Variants in ELFN1 observed in about 807,000 individuals in gnomAD.
ELFN1 encodes the protein protein ELFN1.
A neutral mutation model predicts 7.6 loss-of-function variants in ELFN1; 6 were observed. That is an observed-to-expected ratio of 0.79 (90% confidence interval 0.43 to 1.56). The LOEUF is 1.56. Among genes scored for constraint, ELFN1 ranks in the 40% most tolerant of loss-of-function variants. The pLI is 0.01. For synonymous variants in ELFN1, 657 were observed against 588.1 expected (o/e 1.12, Z -1.70); for missense variants, 1,169 against 1,232.2 (o/e 0.95, Z 0.77).
chr7:1,729,670 G>A (rs1424879276), intron 3 of ELFN1, among the ~76,000 whole-genome samples: 3 of 152,206 alleles, frequency 2.0e-5, no homozygotes, highest in Admixed American at 1.3e-4. Context: ...CTGTGTCTCA[G>A]CAGGGGGTGT....
At chr7:1,725,755 A>T (rs1246888774) in intron 3 of ELFN1, among the ~76,000 whole-genome samples, 1 of 152,158 alleles carries the variant, frequency 6.6e-6, no homozygotes, top group Non-Finnish European at 1.5e-5. Flanking sequence ...TGGTAGACCC[A>T]TGGCTGGAGG....
chr7:1,712,735 C>T (rs1056314321), intron 3 of ELFN1, among the ~76,000 whole-genome samples: 1 of 152,194 alleles, frequency 6.6e-6, no homozygotes, highest in Non-Finnish European at 1.5e-5. Context: ...CCCAGGCTTT[C>T]TTTCCTTTTT....
intron 2 of ELFN1, chr7:1,693,533 A>G: frequency 2.1e-6 from 1 of 471,214 alleles, no homozygotes; most frequent in Non-Finnish European, 4.4e-6. Context: ...TTCCTGGTGC[A>G]AGAACACATA....
chr7:1,713,628 G>A (rs1048648777), intron 3 of ELFN1, among the ~76,000 whole-genome samples: 30 of 152,286 alleles, frequency 2.0e-4, no homozygotes, highest in African/African-American at 6.7e-4. Flanking sequence ...GAGAGAGGCC[G>A]GTGGCTGTGA....
intron 3 of ELFN1, among the ~76,000 whole-genome samples, chr7:1,719,236 C>T (rs1779936470): frequency 2.0e-5 from 3 of 147,362 alleles, no homozygotes; most frequent in Admixed American, 6.7e-5. Context: ...ACCCAAGCCA[C>T]CAACAGGGCC....
rs543295779 is a variant in ELFN1, at chr7:1,735,199, G to A, written c.-293-9105G>A. Reference sequence around the variant, plus strand: ...GGGAGGTGCTGCACACCGGCGGACCGTCGAGGAAACAGGAGCTTTTCTCTG... The same window carrying A: ...GGGAGGTGCTGCACACCGGCGGACCATCGAGGAAACAGGAGCTTTTCTCTG... On this transcript the variant is annotated intron_variant, in intron 3 of 3. Coordinates refer to ENST00000424383, the MANE Select transcript of ELFN1 (RefSeq NM_001128636.4). The surrounding 1 kb of genome is among the most constrained non-coding windows in gnomAD (Gnocchi z 5.9). Among the ~76,000 whole-genome samples the A allele has an allele frequency of 2.8e-4, 43 of 152,304 alleles. No homozygotes were observed. Among genetic ancestry groups the A allele is most frequent in the African/African-American group, 8.7e-4 (36 of 41,570 alleles).
chr7:1,723,132 T>C (rs1780074578), intron 3 of ELFN1, among the ~76,000 whole-genome samples: 2 of 152,334 alleles, frequency 1.3e-5, no homozygotes, highest in South Asian at 4.1e-4. Context: ...AGTTGGAAGT[T>C]GCAGTGAGCC....
chr7:1,733,148 A>G lies in ELFN1; in HGVS notation c.-293-11156A>G, dbSNP rs1261124927. On this transcript the variant is annotated intron_variant, in intron 3 of 3. Coordinates refer to ENST00000424383, the MANE Select transcript of ELFN1 (RefSeq NM_001128636.4). ...ATTCCTGGCCACAAGTGATCCACCC[A>G]CCTCGGCTTCCCAAAATGCTGAGAT... is the stretch of plus-strand genomic sequence containing the variant. 2.6e-5 allele frequency among the ~76,000 whole-genome samples: 4 copies of G among 152,254 alleles called. No homozygotes were observed. The East Asian group carries it at 7.7e-4, about 29-fold the overall frequency.
rs1427215532 is a variant in ELFN1 at position 1,740,315 on chromosome 7, C to CTCTGGG, written c.-293-3984_-293-3979dup. Among the ~76,000 whole-genome samples, 3 of 152,346 alleles carry CTCTGGG rather than the reference C, an allele frequency of 2.0e-5. No individual in the cohort carries two copies. The highest frequency in any genetic ancestry group is 7.2e-5 in the African/African-American group (3 of 41,584). ...CCTTGTGGTCCACGCCCATACGAGC[C>CTCTGGG]TCTGGGTCTGAGGCAGCAAGTGTGC... On this transcript the variant is annotated intron_variant, in intron 3 of 3. Coordinates refer to ENST00000424383, the MANE Select transcript of ELFN1 (RefSeq NM_001128636.4). The surrounding 1 kb of genome is among the most constrained non-coding windows in gnomAD (Gnocchi z 5.0).
intron 2 of ELFN1, chr7:1,693,321 C>G (rs1432004742): frequency 2.2e-6 from 1 of 459,156 alleles, no homozygotes; most frequent in Admixed American, 2.4e-5. Flanking sequence ...TCAGAAAGTG[C>G]CCGATTCCAA....
upstream of ELFN1, among the ~76,000 whole-genome samples, chr7:1,667,481 C>T (rs1778688351): frequency 1.3e-5 from 2 of 152,164 alleles, no homozygotes; most frequent in South Asian, 4.1e-4. This position sits in a 1 kb window ranked among gnomAD's most constrained non-coding sequence, Gnocchi z 8.2. Flanking sequence ...GAAGCAGCGT[C>T]CCGGCGTCCC....
intron 3 of ELFN1, among the ~76,000 whole-genome samples, chr7:1,716,641 C>G (rs1320336418): frequency 6.6e-6 from 1 of 152,224 alleles, no homozygotes; most frequent in East Asian, 1.9e-4. Flanking sequence ...CACGTGATGA[C>G]CCCTGGGGCT....
intron 3 of ELFN1, among the ~76,000 whole-genome samples, chr7:1,717,178 G>A (rs539667129): frequency 9.2e-5 from 14 of 152,294 alleles, no homozygotes; most frequent in Admixed American, 3.9e-4. Context: ...AGGCAGACAG[G>A]GGCCGTGCAT....
upstream of ELFN1, among the ~76,000 whole-genome samples, chr7:1,669,136 G>A (rs1053887623): frequency 1.9e-4 from 29 of 152,240 alleles, no homozygotes; most frequent in African/African-American, 6.8e-4. Flanking sequence ...GGGCTAGGCC[G>A]GTCCATACAG....
intron 3 of ELFN1, among the ~76,000 whole-genome samples, chr7:1,720,538 A>G (rs997060708): frequency 3.9e-5 from 6 of 152,360 alleles, no homozygotes; most frequent in South Asian, 2.1e-4. Flanking sequence ...ACCGCCTTCA[A>G]TAACCGGGCC....
At chr7:1,675,606 C>T (rs1428151491) in intron 1 of ELFN1, among the ~76,000 whole-genome samples, 3 of 152,236 alleles carry the variant, frequency 2.0e-5, no homozygotes, top group Non-Finnish European at 2.9e-5. Flanking sequence ...ATGAGAATCC[C>T]GCCCGGCTTC....
At chr7:1,684,539 T>C (rs902574756) in intron 1 of ELFN1, among the ~76,000 whole-genome samples, 1 of 152,186 alleles carries the variant, frequency 6.6e-6, no homozygotes, top group Non-Finnish European at 1.5e-5. Flanking sequence ...CCCATTCTTT[T>C]CTCCTGTGCT....
chr7:1,674,864 G>C (rs1292145042), intron 1 of ELFN1, among the ~76,000 whole-genome samples: 1 of 152,130 alleles, frequency 6.6e-6, no homozygotes, highest in Non-Finnish European at 1.5e-5. Flanking sequence ...CTTCGGCCCG[G>C]GCCAGCCCAG....
At chr7:1,693,281 C>T (rs954113996) in intron 2 of ELFN1, 7 of 451,398 alleles carry the variant, frequency 1.6e-5, no homozygotes, top group Admixed American at 2.4e-5. Flanking sequence ...GATGTACTGG[C>T]TGGGGAAAGG....
Sources: allele counts gnomAD v4.1 joint callset (sites outside exome capture counted in the v4.1 genomes callset), GRCh38; gene constraint gnomAD v4.1.1; non-coding constraint Gnocchi (gnomAD v3.1); transcripts MANE v1.5; gene names NCBI Gene and HGNC (gene_info 2026-07-23, HGNC 2026-07-21).